LPA: variants seen among roughly 807,000 people sequenced by gnomAD.
LPA encodes the protein lipoprotein(a).
A neutral mutation model predicts 197.9 loss-of-function variants in LPA; 199 were observed. The observed-to-expected ratio is 1.01, with a 90% CI of 0.90 to 1.13. The LOEUF is 1.13. LPA is among the 50% of genes most tolerant of loss of function. LPA has a pLI of 0.00. For synonymous variants in LPA, 715 were observed against 639.5 expected (o/e 1.12, Z -1.78); for missense variants, 1,853 against 1,785.8 (o/e 1.04, Z -0.68).
intron 2 of LPA, among the ~76,000 whole-genome samples, chr6:160,646,781 T>C (rs149728193): frequency 0.11 from 15,647 of 144,322 alleles, 1,005 homozygotes; most frequent in Non-Finnish European, 0.14. Context: ...CACATGCAAA[T>C]GCATCTGTAT....
chr6:160,559,816 G>A (rs1330502097), intron 28 of LPA, among the ~76,000 whole-genome samples: 1 of 152,076 alleles, frequency 6.6e-6, no homozygotes, highest in African/African-American at 2.4e-5. Flanking sequence ...TATACTTTAA[G>A]TTCTGAGATA....
At chr6:160,579,360 C>T (rs965885734) in intron 26 of LPA, among the ~76,000 whole-genome samples, 1 of 152,142 alleles carries the variant, frequency 6.6e-6, no homozygotes, top group African/African-American at 2.4e-5. Context: ...AAAACTAGCT[C>T]CCAGGCAGGA....
Position 160,599,589 on chromosome 6 carries a change from G to A in LPA, c.3198C>T (p.Tyr1066=). 1 of 1,614,120 alleles carries A rather than the reference G, an allele frequency of 6.2e-7. No homozygotes were observed. Among genetic ancestry groups the A allele is most frequent in the Non-Finnish European group, 8.5e-7 (1 of 1,179,974 alleles). Residue 1066 remains tyrosine (Y), a synonymous_variant, in exon 20 of 39, where the codon TAC becomes TAT. Coordinates refer to ENST00000316300, the MANE Select transcript of LPA (RefSeq NM_005577.4). ...YHYGQSYRGT[Y]STTVTGRTCQ... is the part of the protein sequence containing the mutation. ...AAGTTCTTCCTGTGACAGTGGTGGA[G>A]TATGTGCCTCGGTAACTCTGTCCAT...
intron 1 of LPA, among the ~76,000 whole-genome samples, chr6:160,656,245 C>T (rs1780130240): frequency 6.6e-6 from 1 of 152,182 alleles, no homozygotes; most frequent in Admixed American, 6.5e-5. Flanking sequence ...TTCAGTCCCT[C>T]CAGGGATGGG....
intron 1 of LPA, among the ~76,000 whole-genome samples, chr6:160,659,472 G>T (rs546562586): frequency 1.8e-3 from 272 of 152,366 alleles, no homozygotes; most frequent in Admixed American, 2.1e-3. Flanking sequence ...CCTGCACTGT[G>T]GGCCCAAGCC....
intron 34 of LPA, among the ~76,000 whole-genome samples, chr6:160,542,378 G>T (rs144619334): frequency 6.6e-6 from 1 of 152,234 alleles, no homozygotes; most frequent in African/African-American, 2.4e-5. Flanking sequence ...GTGAGACAAT[G>T]GATATCCATA....
chr6:160,591,055 G>A lies in LPA; in HGVS notation c.3676C>T (p.Pro1226Ser). ...TTGGGATCCATGGTATAACACCAAG[G>A]ACTAATCTCAGCATCTGGATTCCTG... ...YCRNPDAEISPWCYTMDPNVR... is the reference protein window; with the variant it reads ...YCRNPDAEISSWCYTMDPNVR... The change falls in exon 23 of 39, where the codon CCT becomes TCT. Residue 1226 changes from proline (P) to serine (S), a missense_variant. This residue lies in a region of LPA where 1,737 missense variants were observed against 1,504.4 expected (regional missense o/e 1.15). Coordinates refer to ENST00000316300, the MANE Select transcript of LPA (RefSeq NM_005577.4). The A allele has an allele frequency of 5.6e-6, 9 of 1,613,938 alleles. No homozygotes were observed. Among genetic ancestry groups the A allele is most frequent in the Non-Finnish European group, 6.8e-6 (8 of 1,179,914 alleles).
intron 1 of LPA, among the ~76,000 whole-genome samples, chr6:160,659,974 A>G (rs77644736): frequency 0.057 from 6,902 of 121,372 alleles, no homozygotes; most frequent in African/African-American, 0.12. Context: ...ATTCCAACCT[A>G]AAGAAATACT....
chr6:160,605,248 A>G (rs201466778), intron 17 of LPA, 43 bp from the exon 18 acceptor site: 60 of 1,608,062 alleles, frequency 3.7e-5, no homozygotes, highest in East Asian at 2.2e-4. Flanking sequence ...GTTTCCAAGA[A>G]GAGACAAACA....
At chr6:160,547,112 G>A (rs750246057) in intron 32 of LPA, among the ~76,000 whole-genome samples, 5 of 152,200 alleles carry the variant, frequency 3.3e-5, no homozygotes, top group Non-Finnish European at 4.4e-5. Flanking sequence ...TCCATTTATC[G>A]TGCACTTTAT....
At chr6:160,557,989 G>A (rs1369100357) in intron 28 of LPA, among the ~76,000 whole-genome samples, 1 of 150,668 alleles carries the variant, frequency 6.6e-6, no homozygotes, top group Non-Finnish European at 1.5e-5. Context: ...GCGCAATCTC[G>A]GCTCACTGCA....
intron 22 of LPA, 109 bp downstream of exon 22, chr6:160,593,848 AT>A (rs1779078125): frequency 7.3e-7 from 1 of 1,362,368 alleles, no homozygotes; most frequent in African/African-American, 1.4e-5. Context: ...TCTACCCAAC[AT>A]TCCAGATCTG....
intron 26 of LPA, among the ~76,000 whole-genome samples, 184 bp from the exon 27 acceptor site, chr6:160,578,888 C>T (rs1191494748): frequency 6.6e-6 from 1 of 152,182 alleles, no homozygotes; most frequent in Non-Finnish European, 1.5e-5. Flanking sequence ...ACTGTGGACA[C>T]ATCACAGATT....
chr6:160,579,593 G>A (rs1445174784), intron 26 of LPA, among the ~76,000 whole-genome samples: 1 of 152,188 alleles, frequency 6.6e-6, no homozygotes, highest in African/African-American at 2.4e-5. Flanking sequence ...CACAGCAGGT[G>A]AAGACCCCAG....
At chr6:160,551,875 T>C (rs1419715995) in intron 30 of LPA, among the ~76,000 whole-genome samples, 1 of 152,110 alleles carries the variant, frequency 6.6e-6, no homozygotes, top group East Asian at 1.9e-4. Context: ...GCCATCCCTT[T>C]TTAGGTTTGC....
chr6:160,647,316 A>T lies in LPA; in HGVS notation c.210-921T>A, dbSNP rs540769359. Among the ~76,000 whole-genome samples, 4 of 152,300 alleles carry T rather than the reference A, an allele frequency of 2.6e-5. No homozygotes were observed. In the South Asian group the frequency reaches 8.3e-4, roughly 32 times the overall value. ...AGGAGTTTGGGCTGCGGGGATCTTG[A>T]AGCATTCGCTCTTCCTTATGCCTCC... On this transcript the variant is annotated intron_variant, in intron 2 of 38. Coordinates refer to ENST00000316300, the MANE Select transcript of LPA (RefSeq NM_005577.4).
At chr6:160,552,658 C>T (rs189913245) in intron 30 of LPA, among the ~76,000 whole-genome samples, 2 of 152,274 alleles carry the variant, frequency 1.3e-5, no homozygotes, top group East Asian at 3.9e-4. Flanking sequence ...ATCACCACTC[C>T]AGCTTATTTA....
At chr6:160,545,644 C>A (rs1429933227) in intron 32 of LPA, 111 bp from the exon 33 acceptor site, 3 of 748,646 alleles carry the variant, frequency 4.0e-6, no homozygotes, top group Non-Finnish European at 7.3e-6. Flanking sequence ...AGGGAGCGTT[C>A]CTTCTTCCTT....
chr6:160,648,240 TG>T (rs1358764843), intron 2 of LPA, among the ~76,000 whole-genome samples: 2 of 152,234 alleles, frequency 1.3e-5, no homozygotes, highest in Non-Finnish European at 2.9e-5. Context: ...CACAGCTTTT[TG>T]TTTTTCCCGT....
Sources: gnomAD v4.1 joint callset for allele counts (sites outside exome capture counted in the v4.1 genomes callset) on GRCh38, gnomAD v4.1.1 for gene constraint, gnomAD v4.1.1 regional missense constraint, MANE v1.5 for transcripts, NCBI Gene and HGNC (gene_info 2026-07-23, HGNC 2026-07-21) for gene names.